The following MACROD2 variants were observed in gnomAD, a reference collection of about 807,000 sequenced individuals.
MACROD2 encodes mono-ADP ribosylhydrolase 2, also known as ADP-ribose glycohydrolase MACROD2.
In MACROD2, 36 loss-of-function variants were observed where a neutral mutation model predicts 70.4. The ratio of observed to expected loss-of-function variants is 0.51; its 90% CI spans 0.39 to 0.68. MACROD2 has a LOEUF of 0.68. Ranked by LOEUF, MACROD2 falls within the 30% of genes least tolerant of loss-of-function variation. The pLI, the probability that MACROD2 is intolerant of heterozygous loss-of-function variation, is 0.00. For missense variants in MACROD2, 496 were observed against 538.4 expected (o/e 0.92, Z 0.78); for synonymous variants, 172 against 178.8 (o/e 0.96, Z 0.30).
At chr20:14,993,059 C>G (rs1372564217) in intron 5 of MACROD2, among the ~76,000 whole-genome samples, 1 of 152,114 alleles carries the variant, frequency 6.6e-6, no homozygotes, top group Non-Finnish European at 1.5e-5. Context: ...CTCTTTCTCC[C>G]TTCTCTTGTC....
intron 5 of MACROD2, among the ~76,000 whole-genome samples, chr20:15,170,141 A>G (rs751459148): frequency 6.6e-6 from 1 of 152,242 alleles, no homozygotes; most frequent in Non-Finnish European, 1.5e-5. Flanking sequence ...TCTTTAGGTT[A>G]GCTTGCTAAT....
chr20:14,045,645 A>G (rs1369947253), intron 2 of MACROD2, among the ~76,000 whole-genome samples: 1 of 152,218 alleles, frequency 6.6e-6, no homozygotes, highest in Non-Finnish European at 1.5e-5. Context: ...AAACTCAGCA[A>G]TCATGAGCAA....
chr20:14,196,162 G>C (rs543304708), intron 3 of MACROD2, among the ~76,000 whole-genome samples: 1 of 152,166 alleles, frequency 6.6e-6, no homozygotes, highest in South Asian at 2.1e-4. Context: ...CTGTGAGGGG[G>C]ACAAGGGAGT....
At chr20:14,188,420 T>G (rs1329600441) in intron 3 of MACROD2, among the ~76,000 whole-genome samples, 1 of 152,156 alleles carries the variant, frequency 6.6e-6, no homozygotes, top group Admixed American at 6.5e-5. Flanking sequence ...AATTTTAGCT[T>G]CATTAATTGT....
chr20:15,865,707 C>G (rs2147169576), intron 9 of MACROD2, among the ~76,000 whole-genome samples: 1 of 152,274 alleles, frequency 6.6e-6, no homozygotes, highest in East Asian at 1.9e-4. Context: ...ATGCACAAAA[C>G]AGAAGGCATT....
At chr20:14,546,159 T>C (rs78564208) in intron 4 of MACROD2, among the ~76,000 whole-genome samples, 21 of 152,320 alleles carry the variant, frequency 1.4e-4, no homozygotes, top group African/African-American at 4.8e-4. Flanking sequence ...ATCCACATTG[T>C]AGATATTAGG....
chr20:15,782,134 G>A (rs1441793502), intron 8 of MACROD2, among the ~76,000 whole-genome samples: 2 of 152,046 alleles, frequency 1.3e-5, no homozygotes, highest in Non-Finnish European at 2.9e-5. Context: ...AAAAATGATG[G>A]TTTGATACAG....
chr20:15,326,970 C>CT (rs1190279681), intron 6 of MACROD2, among the ~76,000 whole-genome samples: 1 of 152,154 alleles, frequency 6.6e-6, no homozygotes, highest in African/African-American at 2.4e-5. Context: ...CCACACTCAT[C>CT]TTAGGTTCAT....
chr20:15,169,878 C>G (rs1053604574), intron 5 of MACROD2, among the ~76,000 whole-genome samples: 2 of 151,950 alleles, frequency 1.3e-5, no homozygotes, highest in Admixed American at 6.6e-5. Context: ...GATGACTTTC[C>G]TATTTTCTAT....
At chr20:14,721,992 A>G (rs77990477) in intron 5 of MACROD2, among the ~76,000 whole-genome samples, 4,011 of 152,286 alleles carry the variant, frequency 0.026, 181 homozygotes, top group African/African-American at 0.091. Flanking sequence ...TCTGGGGCTC[A>G]GTTCCTGACT....
intron 5 of MACROD2, among the ~76,000 whole-genome samples, chr20:15,042,959 G>A (rs904727813): frequency 1.3e-5 from 2 of 152,180 alleles, no homozygotes; most frequent in Admixed American, 1.3e-4. Context: ...TGGTTTAGGT[G>A]TTTCTTTCCC....
intron 8 of MACROD2, among the ~76,000 whole-genome samples, chr20:15,508,596 C>G (rs143812217): frequency 1.8e-3 from 270 of 152,242 alleles, no homozygotes; most frequent in African/African-American, 5.9e-3. Context: ...TTTTAAAAGT[C>G]AACTAATAAG....
chr20:15,120,011 A>G (rs556109639), intron 5 of MACROD2, among the ~76,000 whole-genome samples: 37 of 152,354 alleles, frequency 2.4e-4, no homozygotes, highest in South Asian at 1.0e-3. Flanking sequence ...GCTTGTGTAT[A>G]TAAGTAAACA....
intron 8 of MACROD2, among the ~76,000 whole-genome samples, chr20:15,602,136 T>A (rs2048830424): frequency 6.6e-6 from 1 of 152,176 alleles, no homozygotes; most frequent in Non-Finnish European, 1.5e-5. Flanking sequence ...CTGAAGAATG[T>A]AGACCCCAAC....
intron 2 of MACROD2, among the ~76,000 whole-genome samples, chr20:14,041,585 AG>A (rs1388701587): frequency 6.6e-6 from 1 of 152,208 alleles, no homozygotes; most frequent in African/African-American, 2.4e-5. Context: ...GAAAATTTTG[AG>A]GCTTTCTAGA....
chr20:14,817,281 T>C (rs1265277232), intron 5 of MACROD2, among the ~76,000 whole-genome samples: 1 of 152,150 alleles, frequency 6.6e-6, no homozygotes, highest in African/African-American at 2.4e-5. Context: ...TGAAGAAACA[T>C]TTCATGGCAG....
At chr20:15,295,621 ACACACACATG>A (rs2077579822) in intron 6 of MACROD2, among the ~76,000 whole-genome samples, 1 of 151,970 alleles carries the variant, frequency 6.6e-6, no homozygotes, top group African/African-American at 2.4e-5. Context: ...ACACACACAC[ACACACACATG>A]CACACACCCC....
intron 15 of MACROD2, among the ~76,000 whole-genome samples, chr20:16,010,029 T>A (rs1320474016): frequency 2.0e-5 from 3 of 152,244 alleles, no homozygotes; most frequent in African/African-American, 7.2e-5. Flanking sequence ...TAGATGATAA[T>A]GGCAGAAGTC....
At chr20:14,599,060 G>T (rs1982322079) in intron 4 of MACROD2, among the ~76,000 whole-genome samples, 1 of 152,126 alleles carries the variant, frequency 6.6e-6, no homozygotes, top group Admixed American at 6.6e-5. Flanking sequence ...AAAGGTGTCT[G>T]GGTATGTCAG....
Sources: allele counts gnomAD v4.1 joint callset (sites outside exome capture counted in the v4.1 genomes callset), GRCh38; gene constraint gnomAD v4.1.1; transcripts MANE v1.5; gene names NCBI Gene and HGNC (gene_info 2026-07-23, HGNC 2026-07-21).